The following PLCXD2 variants were observed in gnomAD, a reference collection of about 807,000 sequenced individuals.
PLCXD2 encodes PI-PLC X domain-containing protein 2.
In PLCXD2, 21 loss-of-function variants were observed where a neutral mutation model predicts 28.6. That is an observed-to-expected ratio of 0.73 (90% confidence interval 0.52 to 1.06). PLCXD2 has a LOEUF of 1.06. PLCXD2 is among the 50% of genes least tolerant of loss of function. The pLI is 0.00. For missense variants in PLCXD2, 369 were observed against 376.7 expected, an observed-to-expected ratio of 0.98 and a Z score of 0.17; for synonymous variants, 140 against 150.1, an observed-to-expected ratio of 0.93 and a Z score of 0.49.
rs1237442505 is a variant in PLCXD2, at chr3:111,723,837, G to A, written c.867-8782G>A. The A allele has an allele frequency of 2.6e-5, 4 of 152,264 alleles. No individual in the cohort carries two copies. In the East Asian group the frequency reaches 7.7e-4, roughly 29 times the overall value. 9.4% of individuals were successfully genotyped at this position (152,264 alleles called of 1,614,324 possible). A position where few individuals can be genotyped will look rare whatever the true frequency, so the allele number is the denominator to read the frequency against. Reference sequence around the variant, plus strand: ...CACATCACTTATTCTCACAAGTTCTGGAGACCTTTCAGATCAAAACAAGGC... The same window carrying A: ...CACATCACTTATTCTCACAAGTTCTAGAGACCTTTCAGATCAAAACAAGGC... On this transcript the variant is annotated intron_variant, in intron 3 of 4. Coordinates refer to ENST00000477665, the MANE Select transcript of PLCXD2 (RefSeq NM_001185106.1).
chr3:111,718,804 G>C (rs1941308981), intron 3 of PLCXD2, among the ~76,000 whole-genome samples: 1 of 152,174 alleles, frequency 6.6e-6, no homozygotes, highest in South Asian at 2.1e-4. Context: ...TTTTTACTAT[G>C]ATGTAAACTG....
intron 2 of PLCXD2, among the ~76,000 whole-genome samples, chr3:111,710,384 C>A (rs1941184114): frequency 6.6e-6 from 1 of 152,092 alleles, no homozygotes; most frequent in South Asian, 2.1e-4. Context: ...GTTTATTGAA[C>A]CTTTACAATG....
chr3:111,675,481 C>T (rs1241950454), intron 1 of PLCXD2, 73 bp downstream of exon 1: 9 of 1,556,476 alleles, frequency 5.8e-6, no homozygotes, highest in Non-Finnish European at 6.2e-6. Context: ...GGTTGGGTTG[C>T]TTTTCTATTG....
chr3:111,701,502 T>C (rs1941041127), intron 1 of PLCXD2, among the ~76,000 whole-genome samples: 1 of 152,206 alleles, frequency 6.6e-6, no homozygotes, highest in South Asian at 2.1e-4. Flanking sequence ...AAATAATGCA[T>C]TGGTACCATA....
intron 3 of PLCXD2, chr3:111,725,849 C>T (rs1298187628): frequency 2.5e-6 from 1 of 398,430 alleles, no homozygotes; most frequent in Non-Finnish European, 4.4e-6. Context: ...TTCCCGTCTC[C>T]TTCATAGAAT....
At chr3:111,693,470 G>T (rs1213810420) in intron 1 of PLCXD2, among the ~76,000 whole-genome samples, 3 of 152,188 alleles carry the variant, frequency 2.0e-5, no homozygotes, top group Non-Finnish European at 2.9e-5. Context: ...GTCAACTAAT[G>T]AAAAGATTTC....
intron 1 of PLCXD2, among the ~76,000 whole-genome samples, chr3:111,680,548 G>T (rs952055532): frequency 6.6e-6 from 1 of 151,970 alleles, no homozygotes; most frequent in African/African-American, 2.4e-5. Context: ...CCTCTGAGTG[G>T]CCATGGTGAA....
intron 3 of PLCXD2, chr3:111,721,679 A>G (rs1332825256): frequency 6.6e-6 from 1 of 152,160 alleles, no homozygotes; most frequent in Non-Finnish European, 1.5e-5. Context: ...TGCATGCCAG[A>G]TATCTTTTAT....
chr3:111,705,113 G>A (rs1941098960), intron 1 of PLCXD2, among the ~76,000 whole-genome samples: 1 of 152,078 alleles, frequency 6.6e-6, no homozygotes. Flanking sequence ...CACCACGCCT[G>A]GTCCTAGCAT....
chr3:111,677,467 T>G (rs543851643), intron 1 of PLCXD2: 2 of 152,188 alleles, frequency 1.3e-5, no homozygotes, highest in Non-Finnish European at 2.9e-5. Context: ...TCTTCCCTCT[T>G]ATCATCATCT....
chr3:111,718,702 A>G (rs1941307980), intron 3 of PLCXD2, among the ~76,000 whole-genome samples: 1 of 152,132 alleles, frequency 6.6e-6, no homozygotes, highest in South Asian at 2.1e-4. Flanking sequence ...AGAAGTCAAG[A>G]TATGTGCTGA....
At chr3:111,717,207 T>C (rs1180813461) in intron 3 of PLCXD2, among the ~76,000 whole-genome samples, 1 of 151,968 alleles carries the variant, frequency 6.6e-6, no homozygotes, top group African/African-American at 2.4e-5. Context: ...ATAAACCTCA[T>C]CAGATTGTAG....
intron 1 of PLCXD2, among the ~76,000 whole-genome samples, chr3:111,706,343 T>G (rs1451491615): frequency 6.6e-6 from 1 of 152,228 alleles, no homozygotes; most frequent in Non-Finnish European, 1.5e-5. Context: ...TCTTGATTGT[T>G]TCCTTTGCTA....
intron 3 of PLCXD2, among the ~76,000 whole-genome samples, chr3:111,720,127 G>A (rs1168658830): frequency 6.6e-6 from 1 of 152,062 alleles, no homozygotes; most frequent in Admixed American, 6.5e-5. Context: ...TTTCAACATT[G>A]CCATATGTTT....
chr3:111,681,389 C>T (rs1346727766), intron 1 of PLCXD2, among the ~76,000 whole-genome samples: 1 of 152,196 alleles, frequency 6.6e-6, no homozygotes, highest in African/African-American at 2.4e-5. Flanking sequence ...TTTCTGCTCT[C>T]CTCATTTCCT....
intron 2 of PLCXD2, among the ~76,000 whole-genome samples, chr3:111,709,259 G>A (rs575949088): frequency 6.6e-6 from 1 of 152,014 alleles, no homozygotes; most frequent in Non-Finnish European, 1.5e-5. Flanking sequence ...TAAACACCAG[G>A]TACATGCCAA....
chr3:111,720,133 T>G (rs191227534), intron 3 of PLCXD2, among the ~76,000 whole-genome samples: 1 of 152,320 alleles, frequency 6.6e-6, no homozygotes, highest in Non-Finnish European at 1.5e-5. Flanking sequence ...CATTGCCATA[T>G]GTTTGAATAT....
intron 1 of PLCXD2, chr3:111,691,271 C>G (rs1940872583): frequency 1.3e-5 from 2 of 152,234 alleles, no homozygotes; most frequent in African/African-American, 4.8e-5. Flanking sequence ...GTCACAAATG[C>G]CTTTAGTAAG....
chr3:111,712,076 C>T (rs564408985), intron 2 of PLCXD2, among the ~76,000 whole-genome samples: 26 of 152,114 alleles, frequency 1.7e-4, no homozygotes, highest in Admixed American at 1.5e-3. Flanking sequence ...AAAACACAGG[C>T]CCTGAGTGAC....
Sources: allele counts gnomAD v4.1 joint callset (sites outside exome capture counted in the v4.1 genomes callset), GRCh38; gene constraint gnomAD v4.1.1; transcripts MANE v1.5; gene names NCBI Gene and HGNC (gene_info 2026-07-23, HGNC 2026-07-21).